The following SLC26A11 variants were observed in gnomAD, a reference collection of about 807,000 sequenced individuals.
SLC26A11 encodes the protein solute carrier family 26 member 11.
Under a neutral mutation model 62.2 loss-of-function variants are expected in SLC26A11, and 58 were observed. That is an observed-to-expected ratio of 0.93 (90% CI 0.76 to 1.16). The LOEUF is 1.16. Among genes scored for constraint, SLC26A11 ranks in the 50% most tolerant of loss-of-function variants. The pLI is 0.00. For missense variants in SLC26A11, 790 were observed against 794.3 expected (o/e 0.99, Z 0.06); for synonymous variants, 411 against 368.9 (o/e 1.11, Z -1.31).
In SLC26A11 at chr17:80,251,455, G is replaced by C. The variant is rs955550339; in HGVS notation, c.1729+54G>C. ...TGGTGATTTTGTAAAAATCATAAAT[G>C]CTTATTGTAAAAAATATGGGAAACC... On this transcript the variant is annotated intron_variant, in intron 17 of 17. Coordinates refer to ENST00000361193, the MANE Select transcript of SLC26A11 (RefSeq NM_001166347.2). 4.4e-6 allele frequency: 7 copies of C among 1,607,022 alleles called. No homozygotes were observed. The South Asian group carries it at 4.4e-5, about 10-fold the overall frequency.
chr17:80,224,427 G>A (rs1202848195), intron 5 of SLC26A11, among the ~76,000 whole-genome samples: 4 of 122,824 alleles, frequency 3.3e-5, no homozygotes, highest in African/African-American at 1.2e-4. Flanking sequence ...GTGAGTGAGA[G>A]TGGGTGTGGG....
At chr17:80,237,248 TAAA>T (rs2042721233) in intron 8 of SLC26A11, 145 bp downstream of exon 8, 5 of 1,033,050 alleles carry the variant, frequency 4.8e-6, no homozygotes, top group Non-Finnish European at 6.8e-6. Flanking sequence ...TCTCAGTTAT[TAAA>T]GAATCCCAGG....
At position 80,248,555 on chromosome 17, in the gene SLC26A11, G is replaced by A. The variant is rs1448810680; in HGVS notation, c.1423-20G>A. On this transcript the variant is annotated intron_variant, in intron 14 of 17. Transcript: ENST00000361193. ...GGCCACCCGGTCAGACCCGCCTCCAGGACTCACTCCTCCCCACAGGTGTCA... is the reference window on the plus strand; with the variant it reads ...GGCCACCCGGTCAGACCCGCCTCCAAGACTCACTCCTCCCCACAGGTGTCA... 1.3e-6 allele frequency: 2 copies of A among 1,557,134 alleles called. No individual in the cohort carries two copies. Among genetic ancestry groups the A allele is most frequent in the African/African-American group, 2.7e-5 (2 of 73,388 alleles).
At chr17:80,237,652 G>T in intron 9 of SLC26A11, 58 bp downstream of exon 9, 3 of 1,533,236 alleles carry the variant, frequency 2.0e-6, no homozygotes, top group Non-Finnish European at 2.7e-6. Context: ...GGCTAGGCCT[G>T]CCTGCTTTCT....
rs2043175220 is a variant in SLC26A11, at chr17:80,252,188, C to T, written c.1730-437C>T. On this transcript the variant is annotated intron_variant, in intron 17 of 17. Coordinates refer to ENST00000361193, the MANE Select transcript of SLC26A11 (RefSeq NM_001166347.2). The surrounding 1 kb of genome is among the most constrained non-coding windows in gnomAD (Gnocchi z 5.2). ...GGCCACACAGCAGTGGCCAGAGGGT[C>T]CCAGGCCCCAGTGCTAGGCCTCTTC... 6.6e-6 allele frequency among the ~76,000 whole-genome samples: 1 copy of T among 152,188 alleles called. No homozygotes were observed. Among genetic ancestry groups the T allele is most frequent in the Admixed American group, 6.5e-5 (1 of 15,272 alleles).
intron 7 of SLC26A11, among the ~76,000 whole-genome samples, chr17:80,230,932 G>A (rs539501009): frequency 3.3e-5 from 5 of 152,160 alleles, no homozygotes; most frequent in South Asian, 2.1e-4. Flanking sequence ...AAGGCCACAC[G>A]ACTGGGAAGA....
chr17:80,246,739 C>T lies in SLC26A11; in HGVS notation c.1294+90C>T. The stretch of plus-strand genomic sequence containing the variant: ...ATGCTACCCCATTTTCCTGCAGCCC[C>T]CTCTGTGGGGCTGGGACTGGGAAGT... On this transcript the variant is annotated intron_variant, in intron 13 of 17. Coordinates refer to ENST00000361193, the MANE Select transcript of SLC26A11 (RefSeq NM_001166347.2). This position sits in a 1 kb window ranked among gnomAD's most constrained non-coding sequence, Gnocchi z 4.4. 6.7e-7 allele frequency: 1 copy of T among 1,502,138 alleles called. No individual in the cohort carries two copies. 93.1% of individuals were successfully genotyped at this position (1,502,138 alleles called of 1,614,324 possible). A position where few individuals can be genotyped will look rare whatever the true frequency, so the allele number is the denominator to read the frequency against.
At chr17:80,234,658 T>G (rs1294637140) in intron 7 of SLC26A11, among the ~76,000 whole-genome samples, 4 of 152,182 alleles carry the variant, frequency 2.6e-5, no homozygotes, top group African/African-American at 7.2e-5. Flanking sequence ...TTCAGGCACC[T>G]CGAAGGTGTT....
At chr17:80,245,710 C>G (rs1310178406) in intron 11 of SLC26A11, among the ~76,000 whole-genome samples, 1 of 152,212 alleles carries the variant, frequency 6.6e-6, no homozygotes, top group Non-Finnish European at 1.5e-5. Flanking sequence ...ATAGGAAGGG[C>G]CTCGGCTCTG....
chr17:80,230,119 C>T (rs2042522292), intron 7 of SLC26A11, among the ~76,000 whole-genome samples: 1 of 149,720 alleles, frequency 6.7e-6, no homozygotes, highest in African/African-American at 2.5e-5. Flanking sequence ...CACTTGAACC[C>T]GGGAGGCGGA....
In SLC26A11 at chr17:80,221,084, T is replaced by A. The variant is rs940867736; in HGVS notation, c.-45T>A. The stretch of plus-strand genomic sequence containing the variant: ...AACCTCGGAGCCCCGCTGGATCTCC[T>A]GGCTGCCACCCGCACCCCCCGCCAG... On this transcript the variant is annotated 5_prime_UTR_variant, in exon 2 of 18. Coordinates refer to ENST00000361193, the MANE Select transcript of SLC26A11 (RefSeq NM_001166347.2). 2 of 153,660 alleles carry A rather than the reference T, an allele frequency of 1.3e-5. No homozygotes were observed. Among genetic ancestry groups the A allele is most frequent in the African/African-American group, 4.8e-5 (2 of 41,388 alleles). The allele number at this position is 153,660 out of a possible 1,614,324, so 9.5% of individuals were successfully genotyped here.
At chr17:80,244,910 G>A (rs751722617) in intron 10 of SLC26A11, among the ~76,000 whole-genome samples, 9 of 150,444 alleles carry the variant, frequency 6.0e-5, no homozygotes, top group Admixed American at 1.3e-4. Flanking sequence ...GGGAGGCGGA[G>A]GCTGCAGTGA....
At chr17:80,250,410 C>T (rs757774828) in intron 16 of SLC26A11, among the ~76,000 whole-genome samples, 3 of 152,198 alleles carry the variant, frequency 2.0e-5, no homozygotes, top group African/African-American at 7.2e-5. Flanking sequence ...AATCTGCCCA[C>T]GGTCACACAG....
In SLC26A11 at chr17:80,246,250, AGT is replaced by A. The variant is rs752510279; in HGVS notation, c.1153+43_1153+44del. 6.3e-7 allele frequency: 1 copy of A among 1,588,424 alleles called. No individual in the cohort carries two copies. Among genetic ancestry groups the A allele is most frequent in the Admixed American group, 1.8e-5 (1 of 55,998 alleles). On this transcript the variant is annotated intron_variant, in intron 12 of 17. Coordinates refer to ENST00000361193, the MANE Select transcript of SLC26A11 (RefSeq NM_001166347.2). This position sits in a 1 kb window ranked among gnomAD's most constrained non-coding sequence, Gnocchi z 4.4. ...TTCCCCTTGTGCCCGCAGCCCTGAG[AGT>A]GGGAGAAAGGGAGGAGGGGGCCCAC...
chr17:80,233,773 C>T (rs1182933664), intron 7 of SLC26A11, among the ~76,000 whole-genome samples: 1 of 151,586 alleles, frequency 6.6e-6, no homozygotes, highest in African/African-American at 2.4e-5. Context: ...GAGATGGTGT[C>T]TTCCTACGTT....
In SLC26A11 at chr17:80,246,606, G is replaced by A. The variant is rs137973400; in HGVS notation, c.1251G>A (p.Pro417=). The A allele has an allele frequency of 6.6e-5, 107 of 1,613,752 alleles. No homozygotes were observed. The highest frequency in any genetic ancestry group is 8.6e-5 in the Non-Finnish European group (101 of 1,179,998). The change falls in exon 13 of 18, where the codon CCG becomes CCA. Residue 417 remains proline, a synonymous_variant. Transcript: ENST00000361193. This position sits in a 1 kb window ranked among gnomAD's most constrained non-coding sequence, Gnocchi z 4.4. ...CCGTCATCATCATGGCCGTGGCCCC[G>A]CTGTTCGACACCAAGATCTTCAGGA... ...LAAVIIMAVA[P]LFDTKIFRTL... is the part of the protein sequence containing the mutation.
intron 5 of SLC26A11, among the ~76,000 whole-genome samples, chr17:80,224,360 A>AG (rs2042329014): frequency 9.6e-6 from 1 of 104,182 alleles, no homozygotes; most frequent in East Asian, 2.8e-4. Flanking sequence ...TGTGGGTGTG[A>AG]GGGAGTGTGA....
intron 7 of SLC26A11, among the ~76,000 whole-genome samples, chr17:80,231,145 T>G (rs1256809697): frequency 6.8e-6 from 1 of 146,932 alleles, no homozygotes; most frequent in Admixed American, 6.7e-5. Context: ...TTTATCCTTT[T>G]TTTTTTTTTT....
intron 3 of SLC26A11, 42 bp downstream of exon 3, chr17:80,221,836 GTGCAGAAT>G: frequency 6.4e-7 from 1 of 1,563,330 alleles, no homozygotes; most frequent in South Asian, 1.1e-5. Flanking sequence ...CTCAGAAACA[GTGCAGAAT>G]ACACAGTATC....
Sources: allele counts gnomAD v4.1 joint callset (sites outside exome capture counted in the v4.1 genomes callset), GRCh38; gene constraint gnomAD v4.1.1; non-coding constraint Gnocchi (gnomAD v3.1); transcripts MANE v1.5; gene names NCBI Gene and HGNC (gene_info 2026-07-23, HGNC 2026-07-21).